The following PTPRB variants were observed in gnomAD, a reference collection of about 807,000 sequenced individuals.
The protein encoded by PTPRB is protein tyrosine phosphatase receptor type B.
Under a neutral mutation model 238.1 loss-of-function variants are expected in PTPRB, and 97 were observed. The ratio of observed to expected loss-of-function variants is 0.41; its 90% CI spans 0.35 to 0.48. PTPRB has a LOEUF of 0.48. PTPRB is among the 20% of genes least tolerant of loss of function. The pLI is 0.30. For missense variants in PTPRB, 2,292 were observed against 2,681.9 expected (o/e 0.85, Z 3.21); for synonymous variants, 970 against 995.4 (o/e 0.97, Z 0.48).
chr12:70,540,703 G>A, intron 23 of PTPRB, 155 bp downstream of exon 23: 1 of 629,792 alleles, frequency 1.6e-6, no homozygotes, highest in Non-Finnish European at 2.7e-6. Context: ...GTGAGTCATG[G>A]CTTTAGAGTT....
intron 24 of PTPRB, 29 bp from the exon 25 acceptor site, chr12:70,539,873 T>G: frequency 6.3e-7 from 1 of 1,576,970 alleles, no homozygotes; most frequent in Non-Finnish European, 8.7e-7. Context: ...AGAGGAAGAC[T>G]TTGTTAGCAA....
chr12:70,630,519 T>G (rs1215110967), intron 2 of PTPRB, among the ~76,000 whole-genome samples: 1 of 152,240 alleles, frequency 6.6e-6, no homozygotes, highest in Admixed American at 6.5e-5. Context: ...AAGACAAGGA[T>G]GCCCTCTCTC....
In PTPRB at chr12:70,581,022, T is replaced by G; in HGVS notation, c.2578+14A>C. 1 of 1,611,378 alleles carries G rather than the reference T, an allele frequency of 6.2e-7. No individual in the cohort carries two copies. On this transcript the variant is annotated intron_variant, in intron 10 of 33. Coordinates refer to ENST00000334414, the MANE Select transcript of PTPRB (RefSeq NM_001109754.4). ...ATCTTAGTTAAGTCACAGACACATA[T>G]CTCTACTTCTTACCTGTTCTTCCCT...
chr12:70,538,545 A>T, intron 27 of PTPRB: 2 of 436,586 alleles, frequency 4.6e-6, no homozygotes, highest in Non-Finnish European at 8.2e-6. Context: ...CCTACCTTCT[A>T]TTGCTTTACC....
At chr12:70,621,987 G>C (rs1201724728) in intron 3 of PTPRB, among the ~76,000 whole-genome samples, 4 of 152,130 alleles carry the variant, frequency 2.6e-5, no homozygotes, top group Non-Finnish European at 4.4e-5. Context: ...AGTGATTCTT[G>C]AATCTGCCAT....
At chr12:70,569,399 C>T (rs1265255713) in intron 14 of PTPRB, among the ~76,000 whole-genome samples, 2 of 152,172 alleles carry the variant, frequency 1.3e-5, no homozygotes, top group Non-Finnish European at 2.9e-5. Flanking sequence ...CTACTGTGCC[C>T]AGCCTGCTTG....
At chr12:70,534,996 T>C (rs1477777734) in intron 29 of PTPRB, 41 bp from the exon 30 acceptor site, 1 of 1,584,496 alleles carries the variant, frequency 6.3e-7, no homozygotes, top group Admixed American at 1.8e-5. Context: ...TCCGGAAAAG[T>C]GACTCCTTGG....
At chr12:70,565,477 G>A (rs7954837) in intron 15 of PTPRB, among the ~76,000 whole-genome samples, 53,208 of 152,052 alleles carry the variant, frequency 0.35, 9,614 homozygotes, top group African/African-American at 0.44. Context: ...CTTCAAGGCA[G>A]TACTGAAATG....
chr12:70,634,808 G>A (rs929836977), intron 2 of PTPRB, among the ~76,000 whole-genome samples: 3 of 152,154 alleles, frequency 2.0e-5, no homozygotes, highest in Non-Finnish European at 2.9e-5. Context: ...GAGGCGCTTC[G>A]TTTCTTGATA....
intron 4 of PTPRB, among the ~76,000 whole-genome samples, chr12:70,607,346 T>G (rs1019256698): frequency 1.1e-4 from 17 of 152,182 alleles, no homozygotes; most frequent in African/African-American, 3.9e-4. Flanking sequence ...TAAACACAAT[T>G]AACACATCTG....
At chr12:70,602,485 A>G (rs1228287280) in intron 4 of PTPRB, among the ~76,000 whole-genome samples, 1 of 152,218 alleles carries the variant, frequency 6.6e-6, no homozygotes, top group Non-Finnish European at 1.5e-5. Flanking sequence ...TTATGTAGAA[A>G]TTCATGAGCT....
At chr12:70,576,684 A>AGGGGGGGGGGGGGGGGGGGGG (rs1313001377) in intron 10 of PTPRB, 39 bp from the exon 11 acceptor site, 2 of 29,862 alleles carry the variant, frequency 6.7e-5, no homozygotes, top group African/African-American at 1.8e-4. Flanking sequence ...GGGGGGGGGA[A>AGGGGGGGGGGGGGGGGGGGGG]GGGGGATTCA....
intron 1 of PTPRB, among the ~76,000 whole-genome samples, chr12:70,636,391 G>A (rs1356267961): frequency 2.0e-5 from 3 of 151,140 alleles, no homozygotes; most frequent in African/African-American, 7.3e-5. Flanking sequence ...AAAGTATATA[G>A]TATATTTTAG....
At chr12:70,624,488 C>T (rs552206482) in intron 2 of PTPRB, among the ~76,000 whole-genome samples, 2 of 152,282 alleles carry the variant, frequency 1.3e-5, no homozygotes, top group African/African-American at 4.8e-5. Context: ...GTGTTTTCTA[C>T]ATGACAAACT....
At chr12:70,543,482 A>G (rs764507387) in intron 22 of PTPRB, among the ~76,000 whole-genome samples, 18 of 152,242 alleles carry the variant, frequency 1.2e-4, no homozygotes, top group Non-Finnish European at 2.2e-4. Flanking sequence ...ATTAAATTAT[A>G]AGTAAAGACA....
intron 18 of PTPRB, among the ~76,000 whole-genome samples, chr12:70,558,552 A>G (rs1427476790): frequency 6.6e-6 from 1 of 152,230 alleles, no homozygotes; most frequent in African/African-American, 2.4e-5. Flanking sequence ...GGGTGATAGT[A>G]TCTATCCCAA....
intron 3 of PTPRB, among the ~76,000 whole-genome samples, chr12:70,614,483 C>T (rs1884593749): frequency 1.3e-5 from 2 of 152,008 alleles, no homozygotes; most frequent in African/African-American, 4.8e-5. Context: ...TATAACTTCT[C>T]ATTAAAAATT....
chr12:70,561,065 T>C (rs1006406174), intron 16 of PTPRB, 131 bp from the exon 17 acceptor site: 5 of 952,320 alleles, frequency 5.3e-6, no homozygotes, highest in Non-Finnish European at 8.0e-6. Flanking sequence ...TGCCTACATT[T>C]CAGGCCATTT....
At chr12:70,566,400 A>G (rs1348561265) in intron 15 of PTPRB, 35 bp downstream of exon 15, 5 of 1,601,290 alleles carry the variant, frequency 3.1e-6, no homozygotes, top group Admixed American at 3.4e-5. Flanking sequence ...GACATTGGCA[A>G]TATGTGCTAC....
Sources: gnomAD v4.1 joint callset for allele counts (sites outside exome capture counted in the v4.1 genomes callset) on GRCh38, gnomAD v4.1.1 for gene constraint, MANE v1.5 for transcripts, NCBI Gene and HGNC (gene_info 2026-07-23, HGNC 2026-07-21) for gene names.